Variants in SDK1 observed in about 807,000 individuals in gnomAD.
SDK1 encodes the protein sidekick cell adhesion molecule 1, also known as protein sidekick-1.
SDK1 carries 157 observed loss-of-function variants against 245.5 expected under a neutral mutation model. The ratio of observed to expected loss-of-function variants is 0.64; its 90% CI spans 0.56 to 0.73. The LOEUF (loss-of-function observed/expected upper bound fraction) is 0.73, where lower values mean the gene tolerates loss of function less well. Among genes scored for constraint, SDK1 ranks in the 30% least tolerant of loss-of-function variants. The pLI is 0.00. For missense variants in SDK1, 3,583 were observed against 3,002.3 expected, an observed-to-expected ratio of 1.19 and a Z score of -4.52; for synonymous variants, 1,647 against 1,278.5, an observed-to-expected ratio of 1.29 and a Z score of -6.15.
chr7:3,391,182 G>C (rs1430950028), intron 1 of SDK1, among the ~76,000 whole-genome samples: 1 of 151,654 alleles, frequency 6.6e-6, no homozygotes, highest in Non-Finnish European at 1.5e-5. Flanking sequence ...ACATAAAGTG[G>C]TACTATGTCT....
In SDK1 at chr7:3,933,904, A is replaced by G. The variant is rs373535036; in HGVS notation, c.848-17019A>G. On this transcript the variant is annotated intron_variant, in intron 5 of 44. Transcript: ENST00000404826. ...GAAGCCCTAAGAAACCTGTCTCTCA[A>G]AAGGTTGGCGCTTGGTTCTGTGTGT... is the stretch of plus-strand genomic sequence containing the variant. Among the ~76,000 whole-genome samples, 457 of 152,192 alleles carry G rather than the reference A, an allele frequency of 3.0e-3. 7 individuals are homozygous for G. The South Asian group carries it at 0.036, about 12-fold the overall frequency.
At chr7:3,577,818 G>A (rs1408830201) in intron 1 of SDK1, among the ~76,000 whole-genome samples, 2 of 151,962 alleles carry the variant, frequency 1.3e-5, no homozygotes, top group Non-Finnish European at 2.9e-5. Context: ...CTTCCTGAGG[G>A]CAGAAACTCT....
At chr7:3,555,730 A>G (rs1423896230) in intron 1 of SDK1, among the ~76,000 whole-genome samples, 1 of 152,206 alleles carries the variant, frequency 6.6e-6, no homozygotes. Context: ...ATAGGAAAAT[A>G]TTTAATAATC....
chr7:4,227,411 G>T (rs1167272297), intron 40 of SDK1: 2 of 471,190 alleles, frequency 4.2e-6, no homozygotes, highest in Non-Finnish European at 8.8e-6. Context: ...CTTGAATGAG[G>T]ATCCGATGGA....
At chr7:3,609,076 T>C (rs144724996) in intron 1 of SDK1, among the ~76,000 whole-genome samples, 12 of 152,342 alleles carry the variant, frequency 7.9e-5, no homozygotes, top group African/African-American at 2.6e-4. Context: ...AGTTTTCTTT[T>C]GGATAATATA....
At chr7:3,782,852 G>T (rs986918983) in intron 4 of SDK1, among the ~76,000 whole-genome samples, 3 of 152,126 alleles carry the variant, frequency 2.0e-5, no homozygotes, top group African/African-American at 7.2e-5. Context: ...GGAATTGTCT[G>T]TACTTCCAAA....
chr7:3,354,088 G>A (rs956290730), intron 1 of SDK1, among the ~76,000 whole-genome samples: 19 of 151,728 alleles, frequency 1.3e-4, no homozygotes, highest in Non-Finnish European at 2.1e-4. Flanking sequence ...CGCCTCCTGG[G>A]TTCACACCAT....
chr7:3,960,296 C>T (rs943902467), intron 8 of SDK1, among the ~76,000 whole-genome samples: 2 of 152,186 alleles, frequency 1.3e-5, no homozygotes, highest in South Asian at 4.1e-4. Context: ...ATACTGGGTA[C>T]CTAACTTACC....
At chr7:4,024,334 A>G (rs1306274661) in intron 17 of SDK1, among the ~76,000 whole-genome samples, 1 of 152,092 alleles carries the variant, frequency 6.6e-6, no homozygotes, top group Non-Finnish European at 1.5e-5. Context: ...GAAATTCTCA[A>G]TGTGGCATTA....
At chr7:3,536,006 T>C (rs1315859941) in intron 1 of SDK1, among the ~76,000 whole-genome samples, 3 of 152,102 alleles carry the variant, frequency 2.0e-5, no homozygotes, top group African/African-American at 7.2e-5. Flanking sequence ...TATTTTTTTA[T>C]CTTTTTTTAA....
chr7:3,902,435 A>G (rs1298620518), intron 5 of SDK1, among the ~76,000 whole-genome samples: 1 of 152,224 alleles, frequency 6.6e-6, no homozygotes, highest in Non-Finnish European at 1.5e-5. Context: ...CAAATTCAGT[A>G]AGAGAGATTT....
At chr7:3,416,783 A>G (rs565065664) in intron 1 of SDK1, among the ~76,000 whole-genome samples, 119 of 152,270 alleles carry the variant, frequency 7.8e-4, no homozygotes, top group Non-Finnish European at 1.2e-3. Flanking sequence ...TGCCTCGAAT[A>G]AAGCCCATGT....
intron 4 of SDK1, among the ~76,000 whole-genome samples, chr7:3,815,853 C>G (rs1462116767): frequency 1.3e-5 from 2 of 148,834 alleles, no homozygotes; most frequent in African/African-American, 2.5e-5. Context: ...AAGTAAAGCT[C>G]TCCTCAGCAA....
At chr7:3,700,570 A>T (rs1003094976) in intron 4 of SDK1, among the ~76,000 whole-genome samples, 13 of 152,228 alleles carry the variant, frequency 8.5e-5, no homozygotes, top group African/African-American at 3.1e-4. Flanking sequence ...AAAATGCCAT[A>T]GGTATGTCAA....
At chr7:3,600,379 A>G (rs1178939035) in intron 1 of SDK1, among the ~76,000 whole-genome samples, 1 of 152,002 alleles carries the variant, frequency 6.6e-6, no homozygotes, top group African/African-American at 2.4e-5. Context: ...AATAATAACA[A>G]TTTTAGTTCT....
chr7:3,640,150 G>A (rs1179414322), intron 3 of SDK1, among the ~76,000 whole-genome samples: 1 of 152,098 alleles, frequency 6.6e-6, no homozygotes, highest in Non-Finnish European at 1.5e-5. Flanking sequence ...AGTGAGCTTG[G>A]CTTGTTTTAC....
intron 1 of SDK1, among the ~76,000 whole-genome samples, chr7:3,554,559 A>G (rs981707176): frequency 2.6e-5 from 4 of 152,188 alleles, no homozygotes; most frequent in Admixed American, 2.6e-4. Flanking sequence ...AGGATCACCA[A>G]ATTACCCACA....
At chr7:3,318,214 C>T (rs1424332161) in intron 1 of SDK1, among the ~76,000 whole-genome samples, 1 of 152,174 alleles carries the variant, frequency 6.6e-6, no homozygotes, top group African/African-American at 2.4e-5. Context: ...TACCTTGTTA[C>T]AAACATGCAC....
chr7:3,392,902 G>C (rs1175638311), intron 1 of SDK1, among the ~76,000 whole-genome samples: 1 of 149,052 alleles, frequency 6.7e-6, no homozygotes, highest in African/African-American at 2.5e-5. Flanking sequence ...TTTGGCTATT[G>C]CAAATATTGC....
Sources: allele counts gnomAD v4.1 joint callset (sites outside exome capture counted in the v4.1 genomes callset), GRCh38; gene constraint gnomAD v4.1.1; transcripts MANE v1.5; gene names NCBI Gene and HGNC (gene_info 2026-07-23, HGNC 2026-07-21).